SHTN1: variants seen among roughly 807,000 people sequenced by gnomAD.
The protein encoded by SHTN1 is shootin-1.
A neutral mutation model predicts 83.1 loss-of-function variants in SHTN1; 42 were observed. The observed-to-expected ratio is 0.51, with a 90% CI of 0.39 to 0.65. The LOEUF is 0.65. Among genes scored for constraint, SHTN1 ranks in the 30% least tolerant of loss-of-function variants. The pLI is 0.00. For missense variants in SHTN1, 622 were observed against 737.8 expected (o/e 0.84, Z 1.82); for synonymous variants, 224 against 247.7 (o/e 0.90, Z 0.90).
chr10:116,963,927 T>C (rs2133448463), intron 3 of SHTN1, among the ~76,000 whole-genome samples: 1 of 152,266 alleles, frequency 6.6e-6, no homozygotes, highest in East Asian at 1.9e-4. Flanking sequence ...TTCAAAGCAG[T>C]CTTACATAAA....
intron 16 of SHTN1, among the ~76,000 whole-genome samples, chr10:116,888,965 C>A (rs949054530): frequency 3.9e-5 from 6 of 152,216 alleles, no homozygotes; most frequent in African/African-American, 1.4e-4. Context: ...ATTGAGTCAC[C>A]AGTACGAAGG....
rs948302326 is a variant in SHTN1, at chr10:116,942,096, T to C, written c.712-1484A>G. ...GCATGTACACTTGGCTGGAGAAGGG[T>C]GAGATGCAGCTTCAGCATTCTAAGA... On this transcript the variant is annotated intron_variant, in intron 8 of 16. Coordinates refer to ENST00000355371, the MANE Select transcript of SHTN1 (RefSeq NM_001127211.3). Among the ~76,000 whole-genome samples, 4 of 152,236 alleles carry C rather than the reference T, an allele frequency of 2.6e-5. No individual in the cohort carries two copies. In the East Asian group the frequency reaches 7.7e-4, roughly 29 times the overall value.
At chr10:117,110,628 T>G (rs1176945084) in intron 1 of SHTN1, among the ~76,000 whole-genome samples, 1 of 152,018 alleles carries the variant, frequency 6.6e-6, no homozygotes, top group African/African-American at 2.4e-5. Flanking sequence ...CCCAAAGTGC[T>G]AGGATTACAG....
At chr10:116,982,997 C>T (rs974303452) in intron 1 of SHTN1, among the ~76,000 whole-genome samples, 3 of 151,964 alleles carry the variant, frequency 2.0e-5, no homozygotes, top group African/African-American at 7.3e-5. Context: ...CTGACCAATT[C>T]TCAGCATATG....
intron 2 of SHTN1, among the ~76,000 whole-genome samples, chr10:117,038,910 CA>C (rs1852543320): frequency 6.6e-6 from 1 of 152,210 alleles, no homozygotes; most frequent in African/African-American, 2.4e-5. Flanking sequence ...CAAAATAATA[CA>C]GCCACTTTGG....
chr10:117,057,508 C>G (rs997714090), intron 1 of SHTN1, among the ~76,000 whole-genome samples: 1 of 152,188 alleles, frequency 6.6e-6, no homozygotes, highest in African/African-American at 2.4e-5. Context: ...AAGGCCCTCC[C>G]ACTCAGGCAG....
chr10:116,881,899 A>G lies in SHTN1; in HGVS notation c.*4445T>C, dbSNP rs1847027856. 1 of 382,432 alleles carries G rather than the reference A, an allele frequency of 2.6e-6. No homozygotes were observed. Among genetic ancestry groups the G allele is most frequent in the Non-Finnish European group, 4.6e-6 (1 of 217,688 alleles). 23.7% of individuals were successfully genotyped at this position (382,432 alleles called of 1,614,324 possible). On this transcript the variant is annotated 3_prime_UTR_variant, in exon 17 of 17. Transcript: ENST00000355371. The stretch of plus-strand genomic sequence containing the variant: ...ACTTCCATGTGGATTTTGTTTGTCT[A>G]TTAGCTCTCCTGTCCATTTTTCAGG...
intron 4 of SHTN1, among the ~76,000 whole-genome samples, chr10:116,956,765 C>A (rs1337051168): frequency 6.6e-6 from 1 of 152,128 alleles, no homozygotes; most frequent in Non-Finnish European, 1.5e-5. Flanking sequence ...GCACCAAAAT[C>A]CACCAGTTTG....
intron 1 of SHTN1, among the ~76,000 whole-genome samples, chr10:116,987,645 A>C (rs1407219606): frequency 6.6e-6 from 1 of 152,106 alleles, no homozygotes; most frequent in African/African-American, 2.4e-5. Context: ...GGTCAGACGC[A>C]GTGGCTCACA....
At chr10:116,972,558 G>A (rs527308616) in intron 2 of SHTN1, among the ~76,000 whole-genome samples, 35 of 152,266 alleles carry the variant, frequency 2.3e-4, no homozygotes, top group Non-Finnish European at 4.0e-4. Context: ...CCAGGATAAC[G>A]GGCCTTTTTG....
chr10:117,111,113 G>A (rs1203687696), intron 1 of SHTN1, among the ~76,000 whole-genome samples: 2 of 151,658 alleles, frequency 1.3e-5, no homozygotes, highest in African/African-American at 2.4e-5. Context: ...CAGAAGAATC[G>A]CTTGAACCTG....
chr10:116,938,462 C>T (rs1478621379), intron 9 of SHTN1, among the ~76,000 whole-genome samples: 3 of 152,196 alleles, frequency 2.0e-5, no homozygotes, highest in Admixed American at 1.3e-4. Context: ...AGGTCCACTG[C>T]TGACCCTGTT....
At chr10:117,032,157 C>T (rs1852425004) in intron 2 of SHTN1, among the ~76,000 whole-genome samples, 1 of 152,052 alleles carries the variant, frequency 6.6e-6, no homozygotes, top group African/African-American at 2.4e-5. Context: ...CAGACAAAGA[C>T]GGTCACTATA....
At chr10:117,024,683 A>C (rs538485669) in intron 2 of SHTN1, among the ~76,000 whole-genome samples, 25 of 152,280 alleles carry the variant, frequency 1.6e-4, no homozygotes, top group South Asian at 8.3e-4. Flanking sequence ...CCTTAAAGAA[A>C]AAAAAGGATC....
At chr10:117,014,997 T>G (rs1428727682) in intron 2 of SHTN1, among the ~76,000 whole-genome samples, 2 of 152,164 alleles carry the variant, frequency 1.3e-5, no homozygotes, top group African/African-American at 4.8e-5. Flanking sequence ...TAACAGCACA[T>G]GTGGATGGGT....
At chr10:117,064,532 G>A (rs1258687359) in intron 1 of SHTN1, among the ~76,000 whole-genome samples, 1 of 151,980 alleles carries the variant, frequency 6.6e-6, no homozygotes, top group Non-Finnish European at 1.5e-5. Flanking sequence ...GTGGGCGCCT[G>A]TAATCCCAGC....
At chr10:116,907,377 A>C (rs138756761) in intron 14 of SHTN1, among the ~76,000 whole-genome samples, 1 of 152,288 alleles carries the variant, frequency 6.6e-6, no homozygotes, top group East Asian at 1.9e-4. Context: ...CCACATTCCT[A>C]ACACAGGAGA....
At chr10:116,970,126 C>G (rs1301776241) in intron 2 of SHTN1, among the ~76,000 whole-genome samples, 1 of 152,124 alleles carries the variant, frequency 6.6e-6, no homozygotes, top group Non-Finnish European at 1.5e-5. Flanking sequence ...ACCTATCGGA[C>G]TGGCAAAAAC....
intron 16 of SHTN1, chr10:116,901,340 C>T (rs1315457434): frequency 1.0e-6 from 1 of 984,896 alleles, no homozygotes; most frequent in African/African-American, 1.7e-5. Flanking sequence ...ACATCTTTAA[C>T]TGAAGACTAG....
Sources: gnomAD v4.1 joint callset for allele counts (sites outside exome capture counted in the v4.1 genomes callset) on GRCh38, gnomAD v4.1.1 for gene constraint, MANE v1.5 for transcripts, NCBI Gene and HGNC (gene_info 2026-07-23, HGNC 2026-07-21) for gene names.